Variants in KLF5 observed in about 807,000 individuals in gnomAD.
The protein encoded by KLF5 is KLF transcription factor 5.
A neutral mutation model predicts 36.9 loss-of-function variants in KLF5; 9 were observed. The observed-to-expected ratio is 0.24, with a 90% CI of 0.15 to 0.43. The LOEUF is 0.43. KLF5 is among the 20% of genes least tolerant of loss of function. The pLI, the probability that KLF5 is intolerant of heterozygous loss-of-function variation, is 1.00. For missense variants in KLF5, 524 were observed against 599.5 expected (o/e 0.87, Z 1.31); for synonymous variants, 246 against 241.7 (o/e 1.02, Z -0.17).
rs1375950034 is a variant in KLF5, at chr13:73,067,083, CAAT to C, written c.1195+3201_1195+3203del. 2.6e-5 allele frequency among the ~76,000 whole-genome samples: 4 copies of C among 152,234 alleles called. No homozygotes were observed. The East Asian group carries it at 7.7e-4, about 29-fold the overall frequency. On this transcript the variant is annotated intron_variant, in intron 3 of 3. Coordinates refer to ENST00000377687, the MANE Select transcript of KLF5 (RefSeq NM_001730.5). Reference sequence around the variant, plus strand: ...TATGGCTGCTTCTAGGTAACAATGTCAATGAGTGGTGTATTTCCAATTCAAAAT... The same window carrying C: ...TATGGCTGCTTCTAGGTAACAATGTCGAGTGGTGTATTTCCAATTCAAAAT...
At position 73,062,648 on chromosome 13, in the gene KLF5, A is replaced by G; in HGVS notation, c.1049A>G (p.Asn350Ser). The change falls in exon 2 of 4, where the codon AAC (asparagine) becomes AGC (serine). Residue 350 changes from asparagine to serine, a missense_variant. By Grantham distance (46) the Asn-to-Ser change is conservative. Coordinates refer to ENST00000377687, the MANE Select transcript of KLF5 (RefSeq NM_001730.5). ...AATTTACCCACCACCCTGCCAGTTA[A>G]CTCACAAAACATCCAACCTGTCAGA... The part of the protein sequence containing the change: ...NPNLPTTLPV[N>S]SQNIQPVRYN... The G allele has an allele frequency of 6.2e-7, 1 of 1,614,192 alleles. No individual in the cohort carries two copies. Among genetic ancestry groups the G allele is most frequent in the Non-Finnish European group, 8.5e-7 (1 of 1,180,014 alleles).
At chr13:73,067,299 T>C (rs1056943486) in intron 3 of KLF5, among the ~76,000 whole-genome samples, 4 of 152,222 alleles carry the variant, frequency 2.6e-5, no homozygotes, top group African/African-American at 9.6e-5. Context: ...CATACCTTAC[T>C]TTTTTCTTTA....
rs781254416 is a variant in KLF5 at position 73,075,921 on chromosome 13, G to T, written c.*35G>T. The T allele has an allele frequency of 1.4e-6, 2 of 1,480,036 alleles. No individual in the cohort carries two copies. Among genetic ancestry groups the T allele is most frequent in the Non-Finnish European group, 1.8e-6 (2 of 1,094,978 alleles). The allele number at this position is 1,480,036 out of a possible 1,614,324, so 91.7% of individuals were successfully genotyped here. A position where few individuals can be genotyped will look rare whatever the true frequency, so the allele number is the denominator to read the frequency against. ...GTGTGACCCGTTCCAGGTCCCCTGGGCTCCCTCAAATGACAGACCTAACTA... is the reference window on the plus strand; with the variant it reads ...GTGTGACCCGTTCCAGGTCCCCTGGTCTCCCTCAAATGACAGACCTAACTA... On this transcript the variant is annotated 3_prime_UTR_variant, in exon 4 of 4. Coordinates refer to ENST00000377687, the MANE Select transcript of KLF5 (RefSeq NM_001730.5).
At chr13:73,059,776 G>GA in intron 1 of KLF5, 188 bp downstream of exon 1, 2 of 548,284 alleles carry the variant, frequency 3.6e-6, no homozygotes, top group Non-Finnish European at 4.2e-6. Flanking sequence ...AGAGTAAATG[G>GA]GGGGGGGGGC....
chr13:73,064,820 G>A (rs376411579), intron 3 of KLF5, among the ~76,000 whole-genome samples: 3 of 152,184 alleles, frequency 2.0e-5, no homozygotes, highest in African/African-American at 7.2e-5. Context: ...GGGATTACAG[G>A]CGTGAGCCAC....
At chr13:73,069,357 A>G (rs1428174711) in intron 3 of KLF5, among the ~76,000 whole-genome samples, 6 of 152,238 alleles carry the variant, frequency 3.9e-5, no homozygotes, top group African/African-American at 9.6e-5. Context: ...ATTGGTAGAG[A>G]TAACACAGGC....
chr13:73,075,964 C>CA lies in KLF5; in HGVS notation c.*83dup, dbSNP rs1416850136. 1.5e-4 allele frequency: 157 copies of CA among 1,069,708 alleles called. No individual in the cohort carries two copies. In the African/African-American group the frequency reaches 1.9e-3, roughly 13 times the overall value. 66.3% of individuals were successfully genotyped at this position (1,069,708 alleles called of 1,614,324 possible). ...CCTAACTATTCCTGTGTAAAAACAA[C>CA]AAAAACAAACAAAAGCAAGAAAACC... On this transcript the variant is annotated 3_prime_UTR_variant, in exon 4 of 4. Transcript: ENST00000377687.
chr13:73,070,512 ATGT>A (rs1317884494), intron 3 of KLF5, among the ~76,000 whole-genome samples: 1 of 152,158 alleles, frequency 6.6e-6, no homozygotes, highest in African/African-American at 2.4e-5. Context: ...AGTCTTCATA[ATGT>A]TTACTGGGAA....
chr13:73,060,908 A>T (rs1051228995), intron 1 of KLF5, among the ~76,000 whole-genome samples: 1 of 152,192 alleles, frequency 6.6e-6, no homozygotes, highest in Non-Finnish European at 1.5e-5. Flanking sequence ...ACCGTTTGAA[A>T]AGTATTTGGT....
At chr13:73,063,174 G>A (rs1297512298) in intron 2 of KLF5, among the ~76,000 whole-genome samples, 1 of 152,150 alleles carries the variant, frequency 6.6e-6, no homozygotes, top group Admixed American at 6.5e-5. Context: ...GGAAAATAAG[G>A]TTTGGTGGTG....
At chr13:73,058,907 C>T (rs1335642806), upstream of KLF5, 2 of 155,698 alleles carry the variant, frequency 1.3e-5, no homozygotes, top group East Asian at 1.8e-4. Context: ...GCCTGGCCGG[C>T]CTCGGGGCCT....
In KLF5 at chr13:73,059,402, G is replaced by T. The variant is rs980215117; in HGVS notation, c.75G>T (p.Pro25=). 2 of 1,399,372 alleles carry T rather than the reference G, an allele frequency of 1.4e-6. No homozygotes were observed. The highest frequency in any genetic ancestry group is 1.5e-5 in the African/African-American group (1 of 66,744). The allele number at this position is 1,399,372 out of a possible 1,614,324, so 86.7% of individuals were successfully genotyped here. A position where few individuals can be genotyped will look rare whatever the true frequency, so the allele number is the denominator to read the frequency against. ...AGCCGCCGGCGCCGCAGGACGAGCC[G>T]GTGTTCGCGCAGCTCAAGCCGGTGC... ...VPQPPAPQDE[P]VFAQLKPVLG... is the part of the protein sequence containing the mutation. Residue 25 remains proline, a synonymous_variant, in exon 1 of 4, where the codon CCG becomes CCT. Coordinates refer to ENST00000377687, the MANE Select transcript of KLF5 (RefSeq NM_001730.5).
chr13:73,071,508 G>A (rs899381439), intron 3 of KLF5, among the ~76,000 whole-genome samples: 1 of 152,078 alleles, frequency 6.6e-6, no homozygotes, highest in Non-Finnish European at 1.5e-5. Context: ...TGGCATAGAC[G>A]TAAAAATATG....
At chr13:73,068,493 T>TA (rs1190840406) in intron 3 of KLF5, among the ~76,000 whole-genome samples, 1 of 151,620 alleles carries the variant, frequency 6.6e-6, no homozygotes, top group African/African-American at 2.4e-5. Flanking sequence ...CACCTGAGTT[T>TA]AGGGGTTCGA....
chr13:73,059,725 G>A (rs2044617027), intron 1 of KLF5, 137 bp downstream of exon 1: 1 of 812,554 alleles, frequency 1.2e-6, no homozygotes, highest in East Asian at 1.4e-4. Flanking sequence ...TGGGTGGGCA[G>A]CCCCGCCCTG....
intron 3 of KLF5, among the ~76,000 whole-genome samples, chr13:73,068,348 T>C (rs2139112352): frequency 6.6e-6 from 1 of 152,318 alleles, no homozygotes; most frequent in Admixed American, 6.5e-5. Flanking sequence ...TAATCTGTAC[T>C]TGAGATTTGC....
At chr13:73,058,784 C>CA (rs1263285709), upstream of KLF5, 6 of 152,460 alleles carry the variant, frequency 3.9e-5, no homozygotes, top group African/African-American at 1.4e-4. Context: ...AAGTTGTGTA[C>CA]AAACTGCGCG....
chr13:73,074,966 A>C (rs1341461103), intron 3 of KLF5: 1 of 152,094 alleles, frequency 6.6e-6, no homozygotes, highest in Non-Finnish European at 1.5e-5. Flanking sequence ...AATACAAGTC[A>C]ACAAATGTCA....
chr13:73,059,421 C>G lies in KLF5; in HGVS notation c.94C>G (p.Pro32Ala), dbSNP rs1352105357. ...CGAGCCGGTGTTCGCGCAGCTCAAGCCGGTGCTGGGCGCCGCGAATCCGGC... is the reference window on the plus strand; with the variant it reads ...CGAGCCGGTGTTCGCGCAGCTCAAGGCGGTGCTGGGCGCCGCGAATCCGGC... ...QDEPVFAQLKPVLGAANPARD... is the reference protein window; with the variant it reads ...QDEPVFAQLKAVLGAANPARD... The change falls in exon 1 of 4, where the codon CCG becomes GCG. Residue 32 changes from proline (P) to alanine (A), a missense_variant. Transcript: ENST00000377687. The G allele has an allele frequency of 5.9e-6, 8 of 1,355,898 alleles. No homozygotes were observed. The highest frequency in any genetic ancestry group is 7.6e-6 in the Non-Finnish European group (8 of 1,054,666). 84.0% of individuals were successfully genotyped at this position (1,355,898 alleles called of 1,614,324 possible).
Sources: allele counts gnomAD v4.1 joint callset (sites outside exome capture counted in the v4.1 genomes callset), GRCh38; gene constraint gnomAD v4.1.1; transcripts MANE v1.5; gene names NCBI Gene and HGNC (gene_info 2026-07-23, HGNC 2026-07-21).